Variants in GOLGA4 observed in about 807,000 individuals in gnomAD.
GOLGA4 encodes golgin subfamily A member 4.
A neutral mutation model predicts 265.9 loss-of-function variants in GOLGA4; 169 were observed. The ratio of observed to expected loss-of-function variants is 0.64; its 90% CI spans 0.56 to 0.72. The LOEUF (loss-of-function observed/expected upper bound fraction) is 0.72, where lower values mean the gene tolerates loss of function less well. Ranked by LOEUF, GOLGA4 falls within the 30% of genes least tolerant of loss-of-function variation. The pLI is 0.00. For synonymous variants in GOLGA4, 923 were observed against 855.8 expected (o/e 1.08, Z -1.37); for missense variants, 2,482 against 2,483.4 (o/e 1.00, Z 0.01).
chr3:37,366,300 T>G lies in GOLGA4; in HGVS notation c.*254T>G, dbSNP rs748251255. Reference sequence around the variant, plus strand: ...GATAGTTTTTTCTTCAGTTTTCTCTTGGGAAGAGTTTTATGTTGTTTAAAA... The same window carrying G: ...GATAGTTTTTTCTTCAGTTTTCTCTGGGGAAGAGTTTTATGTTGTTTAAAA... On this transcript the variant is annotated 3_prime_UTR_variant, in exon 24 of 24. Transcript: ENST00000361924. 4.5e-6 allele frequency: 2 copies of G among 442,504 alleles called. No individual in the cohort carries two copies. Among genetic ancestry groups the G allele is most frequent in the Non-Finnish European group, 4.0e-6 (1 of 251,992 alleles). 27.4% of individuals were successfully genotyped at this position (442,504 alleles called of 1,614,324 possible).
intron 10 of GOLGA4, among the ~76,000 whole-genome samples, chr3:37,310,739 T>G (rs904842510): frequency 3.3e-5 from 5 of 151,616 alleles, no homozygotes; most frequent in South Asian, 2.1e-4. Flanking sequence ...GTGTGTGTTT[T>G]TTTTTTTAAA....
chr3:37,321,425 G>T (rs2096954480), intron 12 of GOLGA4, among the ~76,000 whole-genome samples: 1 of 152,008 alleles, frequency 6.6e-6, no homozygotes, highest in South Asian at 2.1e-4. Flanking sequence ...AGATGAGGTA[G>T]TAGCAATTGT....
At position 37,325,348 on chromosome 3, in the gene GOLGA4, A is replaced by G. The variant is rs2096966948; in HGVS notation, c.3462A>G (p.Gln1154=). The stretch of plus-strand genomic sequence containing the variant: ...CTCTGAAGGAAAATACTTTTCTTCA[A>G]GAGCAGCTAGTTGAACTGAAGATGC... ...NKSLKENTFL[Q]EQLVELKMLA... The change falls in exon 14 of 24, where the codon CAA becomes CAG. Residue 1154 remains glutamine, a synonymous_variant. Transcript: ENST00000361924. The G allele has an allele frequency of 1.2e-6, 2 of 1,613,280 alleles. No homozygotes were observed. The highest frequency in any genetic ancestry group is 1.7e-6 in the Non-Finnish European group (2 of 1,179,348).
intron 2 of GOLGA4, among the ~76,000 whole-genome samples, chr3:37,263,542 A>G (rs1270767276): frequency 3.3e-5 from 5 of 151,970 alleles, no homozygotes; most frequent in Non-Finnish European, 5.9e-5. Context: ...TCCCCTCCCT[A>G]TTGTTAAGCA....
At chr3:37,355,070 T>C (rs1559472202) in intron 21 of GOLGA4, 31 bp from the exon 22 acceptor site, 1 of 1,226,098 alleles carries the variant, frequency 8.2e-7, no homozygotes, top group Non-Finnish European at 1.2e-6. Context: ...CTTCACTGTC[T>C]GTTAGTGATC....
At position 37,314,682 on chromosome 3, in the gene GOLGA4, C is replaced by CACAT. The variant is rs148252805; in HGVS notation, c.1235-738_1235-737insACAT. 2.7e-4 allele frequency among the ~76,000 whole-genome samples: 39 copies of CACAT among 142,690 alleles called. No homozygotes were observed. The South Asian group carries it at 6.5e-3, about 24-fold the overall frequency. 93.6% of individuals were successfully genotyped at this position (142,690 alleles called of 152,430 possible). A position where few individuals can be genotyped will look rare whatever the true frequency, so the allele number is the denominator to read the frequency against. On this transcript the variant is annotated intron_variant, in intron 10 of 23. Transcript: ENST00000361924. ...ACACACACACACACACACACACACACGAAAAAAACCTTACTACTCTAGCCA... is the reference window on the plus strand; with the variant it reads ...ACACACACACACACACACACACACACACATGAAAAAAACCTTACTACTCTAGCCA...
chr3:37,317,283 C>G (rs909204585), intron 11 of GOLGA4, among the ~76,000 whole-genome samples: 4 of 152,164 alleles, frequency 2.6e-5, no homozygotes, highest in African/African-American at 7.2e-5. Flanking sequence ...AATTCTCCTG[C>G]CTCAGCCTCC....
chr3:37,321,287 G>A (rs1424977708), intron 12 of GOLGA4, among the ~76,000 whole-genome samples: 1 of 152,156 alleles, frequency 6.6e-6, no homozygotes, highest in Non-Finnish European at 1.5e-5. Flanking sequence ...ATATTAACAA[G>A]TAATCTTCTG....
intron 6 of GOLGA4, 68 bp downstream of exon 6, chr3:37,295,145 T>C (rs2096874818): frequency 1.1e-6 from 1 of 891,796 alleles, no homozygotes; most frequent in African/African-American, 1.7e-5. Flanking sequence ...TTGATTTGGA[T>C]ATCTGCAAGG....
rs1428063413 is a variant in GOLGA4, at chr3:37,324,096, A to C, written c.2210A>C (p.Asp737Ala). Reference sequence around the variant, plus strand: ...AAAAATCATCACCAGCAGCAAGTTGACAGTATCATTAAAGAACACGAGGTA... The same window carrying C: ...AAAAATCATCACCAGCAGCAAGTTGCCAGTATCATTAAAGAACACGAGGTA... ...EQKNHHQQQV[D>A]SIIKEHEVSI... The change falls in exon 14 of 24, where the codon GAC becomes GCC. Residue 737 changes from aspartate (D) to alanine (A), a missense_variant. Asp to Ala is a moderately radical substitution (Grantham distance 126). Coordinates refer to ENST00000361924, the MANE Select transcript of GOLGA4 (RefSeq NM_002078.5). 2.5e-6 allele frequency: 4 copies of C among 1,614,154 alleles called. No individual in the cohort carries two copies. The highest frequency in any genetic ancestry group is 3.4e-6 in the Non-Finnish European group (4 of 1,180,022).
intron 21 of GOLGA4, among the ~76,000 whole-genome samples, chr3:37,350,479 G>C (rs1368758618): frequency 6.6e-6 from 1 of 152,078 alleles, no homozygotes; most frequent in Non-Finnish European, 1.5e-5. Context: ...TGATATTAGA[G>C]AAATGCTTCC....
chr3:37,306,501 C>CTGTG (rs35641880), intron 10 of GOLGA4, among the ~76,000 whole-genome samples: 6,618 of 140,132 alleles, frequency 0.047, 177 homozygotes, highest in African/African-American at 0.066. Flanking sequence ...TGGCTGTTCT[C>CTGTG]TGTGTGTGTG....
At chr3:37,269,611 C>T (rs1198231411) in intron 2 of GOLGA4, among the ~76,000 whole-genome samples, 27 of 151,960 alleles carry the variant, frequency 1.8e-4, no homozygotes, top group Admixed American at 1.8e-3. Flanking sequence ...ACTTCACATA[C>T]AGAGCTTCAC....
At chr3:37,346,799 C>T (rs2097058060) in intron 20 of GOLGA4, among the ~76,000 whole-genome samples, 1 of 152,210 alleles carries the variant, frequency 6.6e-6, no homozygotes, top group African/African-American at 2.4e-5. Context: ...CATTGTTTCA[C>T]ATCCTCACCA....
chr3:37,289,608 A>G (rs2096859722), intron 5 of GOLGA4, among the ~76,000 whole-genome samples: 1 of 152,116 alleles, frequency 6.6e-6, no homozygotes, highest in Admixed American at 6.5e-5. Flanking sequence ...TCCTAACCCT[A>G]AGTCTTTTTT....
rs1407667945 is a variant in GOLGA4, at chr3:37,298,965, A to C, written c.947A>C (p.Lys316Thr). The C allele has an allele frequency of 6.2e-7, 1 of 1,607,234 alleles. No individual in the cohort carries two copies. Residue 316 changes from lysine (K) to threonine (T), a missense_variant, in exon 8 of 24, where the codon AAA becomes ACA. This residue lies in a region of GOLGA4 where 1,536 missense variants were observed against 1,483.7 expected (regional missense o/e 1.04). Transcript: ENST00000361924. ...CAATGTACACTATTAACTAGTGAAA[A>C]AGAAGCTCTGCAAGAACAACTGGAT... Reference protein sequence around the residue: ...KEQCTLLTSEKEALQEQLDER... With the variant: ...KEQCTLLTSETEALQEQLDER...
At chr3:37,327,954 TCCAA>T in intron 14 of GOLGA4, 129 bp downstream of exon 14, 2 of 702,190 alleles carry the variant, frequency 2.8e-6, no homozygotes, top group Non-Finnish European at 4.6e-6. Context: ...TAAACATAAA[TCCAA>T]TATGTTAAAT....
At chr3:37,344,460 G>A (rs966521070) in intron 20 of GOLGA4, among the ~76,000 whole-genome samples, 18 of 147,264 alleles carry the variant, frequency 1.2e-4, no homozygotes, top group African/African-American at 3.8e-4. Context: ...TCATTGATCC[G>A]TTTGTCTATG....
intron 10 of GOLGA4, 87 bp downstream of exon 10, chr3:37,302,419 A>C: frequency 8.7e-7 from 1 of 1,144,930 alleles, no homozygotes; most frequent in Non-Finnish European, 1.2e-6. Flanking sequence ...TGAGTTAAAT[A>C]TTGATAAAAA....
Sources: gnomAD v4.1 joint callset for allele counts (sites outside exome capture counted in the v4.1 genomes callset) on GRCh38, gnomAD v4.1.1 for gene constraint, gnomAD v4.1.1 regional missense constraint, MANE v1.5 for transcripts, NCBI Gene and HGNC (gene_info 2026-07-23, HGNC 2026-07-21) for gene names.